The following PDZD7 variants were observed in gnomAD, a reference collection of about 807,000 sequenced individuals.
The protein encoded by PDZD7 is PDZ domain-containing protein 7.
PDZD7 carries 72 observed loss-of-function variants against 84.7 expected under a neutral mutation model. The ratio of observed to expected loss-of-function variants is 0.85; its 90% CI spans 0.70 to 1.03. The LOEUF is 1.03. Ranked by LOEUF, PDZD7 falls within the 50% of genes least tolerant of loss-of-function variation. PDZD7 has a pLI of 0.00. For synonymous variants in PDZD7, 594 were observed against 580.7 expected (o/e 1.02, Z -0.33); for missense variants, 1,490 against 1,412.9 (o/e 1.05, Z -0.87).
Position 101,008,410 on chromosome 10 carries a change from G to T in PDZD7, c.*57C>A. ...AGTCCTGAAGAAGTTGGTAGGAGAG[G>T]TCCTGGGGATAACGGGATGCTGGAG... On this transcript the variant is annotated 3_prime_UTR_variant, in exon 17 of 17. Coordinates refer to ENST00000619208, the MANE Select transcript of PDZD7 (RefSeq NM_001195263.2). 1 of 1,448,334 alleles carries T rather than the reference G, an allele frequency of 6.9e-7. No homozygotes were observed. Among genetic ancestry groups the T allele is most frequent in the Non-Finnish European group, 9.1e-7 (1 of 1,093,690 alleles). The allele number at this position is 1,448,334 out of a possible 1,614,324, so 89.7% of individuals were successfully genotyped here.
chr10:101,027,106 T>C (rs1937758231), intron 2 of PDZD7, among the ~76,000 whole-genome samples: 1 of 152,202 alleles, frequency 6.6e-6, no homozygotes, highest in Non-Finnish European at 1.5e-5. Flanking sequence ...AGCTATTCTC[T>C]ATACAGTACC....
intron 3 of PDZD7, 148 bp downstream of exon 3, chr10:101,023,780 G>T: frequency 6.8e-7 from 1 of 1,466,202 alleles, no homozygotes; most frequent in Non-Finnish European, 9.4e-7. Flanking sequence ...AAACCATTCT[G>T]ACTTGAGGGT....
chr10:101,025,994 C>T (rs1937675572), intron 2 of PDZD7, among the ~76,000 whole-genome samples: 1 of 152,150 alleles, frequency 6.6e-6, no homozygotes, highest in Non-Finnish European at 1.5e-5. Context: ...AGTCAGAGTT[C>T]TAGGAACTAC....
chr10:101,012,352 T>C (rs1342576683), intron 11 of PDZD7, 94 bp from the exon 12 acceptor site: 2 of 1,049,286 alleles, frequency 1.9e-6, no homozygotes, highest in Non-Finnish European at 2.8e-6. Flanking sequence ...CTTCTACGCA[T>C]GTAGGGACCT....
intron 15 of PDZD7, among the ~76,000 whole-genome samples, chr10:101,010,044 C>A (rs191967894): frequency 2.0e-5 from 3 of 152,288 alleles, no homozygotes; most frequent in African/African-American, 7.2e-5. Context: ...AGGCGCCCAC[C>A]ACCACACACG....
intron 2 of PDZD7, among the ~76,000 whole-genome samples, chr10:101,025,233 A>G (rs1390813966): frequency 1.3e-5 from 2 of 152,076 alleles, no homozygotes; most frequent in Non-Finnish European, 2.9e-5. Context: ...CCCCCGAGAC[A>G]AAGTCTTGCT....
At chr10:101,020,811 C>T (rs544564333) in intron 6 of PDZD7, 133 bp from the exon 7 acceptor site, 35 of 695,756 alleles carry the variant, frequency 5.0e-5, no homozygotes, top group African/African-American at 7.0e-5. Flanking sequence ...ATGCTCTGGC[C>T]GCACAGGCCA....
intron 6 of PDZD7, among the ~76,000 whole-genome samples, 185 bp downstream of exon 6, chr10:101,021,613 T>G (rs930616486): frequency 2.0e-5 from 3 of 152,212 alleles, no homozygotes; most frequent in Non-Finnish European, 4.4e-5. Context: ...AAGTGACCTG[T>G]TCGTGAGTTG....
rs371205668 is a variant in PDZD7 at position 101,023,607 on chromosome 10, C to A, written c.371G>T (p.Arg124Leu). 5 of 1,611,624 alleles carry A rather than the reference C, an allele frequency of 3.1e-6. No individual in the cohort carries two copies. Among genetic ancestry groups the A allele is most frequent in the Non-Finnish European group, 4.2e-6 (5 of 1,180,004 alleles). Reference protein sequence around the residue: ...SKVEEGSSAERAGLCVGDKIT... With the variant: ...SKVEEGSSAELAGLCVGDKIT... ...CTTGTCCCCCACGCACAGGCCAGCC[C>A]GCTCTGCACCACAGGATGGGAGTGG... Residue 124 changes from arginine (R) to leucine (L), a missense_variant, in exon 4 of 17, where the codon CGG becomes CTG. Physicochemically the swap from Arg to Leu is moderately radical, Grantham distance 102 (BLOSUM62 -2). Transcript: ENST00000619208.
chr10:101,029,126 C>T lies in PDZD7; in HGVS notation c.226+868G>A, dbSNP rs143137559. 4.2e-3 allele frequency among the ~76,000 whole-genome samples: 633 copies of T among 152,298 alleles called. 3 individuals are homozygous for T. The highest frequency in any genetic ancestry group is 5.7e-3 in the Non-Finnish European group (387 of 68,016). ...AGCTCAGACTCAGGGGGCCTGGCTC[C>T]GCACCTGGCATTCTAGGTCCTGTCT... On this transcript the variant is annotated intron_variant, in intron 2 of 16. Coordinates refer to ENST00000619208, the MANE Select transcript of PDZD7 (RefSeq NM_001195263.2).
At position 101,030,142 on chromosome 10, in the gene PDZD7, G is replaced by A. The variant is rs1309226749; in HGVS notation, c.78C>T (p.Ser26=). The part of the protein sequence containing the change: ...DLSSGSLSSL[S]SRGHLGSDSG... ...AGTCGCTGCCTAGGTGGCCTCGGGA[G>A]GAGAGGGAGCTCAGAGAGCCGGAGC... is the stretch of plus-strand genomic sequence containing the variant. The change falls in exon 2 of 17, where the codon TCC becomes TCT. Residue 26 remains serine, a synonymous_variant. Coordinates refer to ENST00000619208, the MANE Select transcript of PDZD7 (RefSeq NM_001195263.2). 1.9e-6 allele frequency: 3 copies of A among 1,614,186 alleles called. No homozygotes were observed. Among genetic ancestry groups the A allele is most frequent in the East Asian group, 2.2e-5 (1 of 44,878 alleles).
chr10:101,010,536 T>TGCTGCGGCTGCG lies in PDZD7; in HGVS notation c.2341_2352dup (p.Arg781_Ser784dup), dbSNP rs200896335. On this transcript the variant is annotated inframe_insertion, in exon 15 of 17. Coordinates refer to ENST00000619208, the MANE Select transcript of PDZD7 (RefSeq NM_001195263.2). ...CCTGGAGACTTGCCTTGACCCCGGC[T>TGCTGCGGCTGCG]GCTGCGGCTGCGGCTGCGGCTACGG... 1.6e-4 allele frequency: 250 copies of TGCTGCGGCTGCG among 1,523,954 alleles called. No individual in the cohort carries two copies. The highest frequency in any genetic ancestry group is 8.6e-4 in the East Asian group (35 of 40,680). The allele number at this position is 1,523,954 out of a possible 1,614,324, so 94.4% of individuals were successfully genotyped here.
chr10:101,024,010 C>T lies in PDZD7; in HGVS notation c.285G>A (p.Gly95=), dbSNP rs1304559351. The change falls in exon 3 of 17, where the codon GGG becomes GGA. Residue 95 remains glycine, a synonymous_variant. Transcript: ENST00000619208. ...HSVRVEKSPA[G]RLGFSVRGGS... ...CCCCGCGCACGCTGAAGCCCAGCCT[C>T]CCTGCTGGACTCTTCTCCACCCGGA... The T allele has an allele frequency of 5.6e-6, 9 of 1,614,146 alleles. No homozygotes were observed. The highest frequency in any genetic ancestry group is 7.6e-6 in the Non-Finnish European group (9 of 1,180,052).
At chr10:101,019,825 C>G (rs1242231966) in intron 7 of PDZD7, among the ~76,000 whole-genome samples, 1 of 151,742 alleles carries the variant, frequency 6.6e-6, no homozygotes, top group Non-Finnish European at 1.5e-5. Context: ...GGGGTTTCAT[C>G]ATGTTGGCCA....
intron 7 of PDZD7, among the ~76,000 whole-genome samples, chr10:101,019,510 GC>G (rs1203355888): frequency 7.0e-6 from 1 of 142,250 alleles, no homozygotes; most frequent in African/African-American, 2.5e-5. Flanking sequence ...TGGTTCCTGT[GC>G]TTTTCTGCTT....
intron 2 of PDZD7, among the ~76,000 whole-genome samples, chr10:101,028,030 A>C (rs1173798390): frequency 6.6e-6 from 1 of 152,154 alleles, no homozygotes; most frequent in Admixed American, 6.5e-5. Flanking sequence ...ATTCCTTATC[A>C]GTTACTTTAC....
intron 9 of PDZD7, chr10:101,017,826 G>C: frequency 3.5e-6 from 1 of 285,964 alleles, no homozygotes; most frequent in Non-Finnish European, 5.8e-6. Flanking sequence ...AGGAAAGAAA[G>C]GAAGGAAGGA....
In PDZD7 at chr10:101,008,578, G is replaced by A. The variant is rs1273046835; in HGVS notation, c.2991C>T (p.Pro997=). 3.3e-6 allele frequency: 5 copies of A among 1,535,986 alleles called. No individual in the cohort carries two copies. The highest frequency in any genetic ancestry group is 3.5e-6 in the Non-Finnish European group (4 of 1,146,854). Residue 997 remains proline (P), a synonymous_variant, in exon 17 of 17, where the codon CCC becomes CCT. Transcript: ENST00000619208. The stretch of plus-strand genomic sequence containing the variant: ...GCCTGGCATCAGTGGGAGGAGTCTG[G>A]GGATTGGTGGGAGGTTCTGGGAGCC... ...AHWLPEPPTN[P]QTPPTDARLL... is the part of the protein sequence containing the mutation.
chr10:101,019,448 G>T (rs1210282070), intron 7 of PDZD7, among the ~76,000 whole-genome samples: 2 of 152,052 alleles, frequency 1.3e-5, no homozygotes, highest in African/African-American at 2.4e-5. Context: ...CATTTTATCC[G>T]CAGATTCTCA....
Sources: allele counts gnomAD v4.1 joint callset (sites outside exome capture counted in the v4.1 genomes callset), GRCh38; gene constraint gnomAD v4.1.1; transcripts MANE v1.5; gene names NCBI Gene and HGNC (gene_info 2026-07-23, HGNC 2026-07-21).